CBFB: variants seen among roughly 807,000 people sequenced by gnomAD.
CBFB encodes the protein CBF-beta.
A neutral mutation model predicts 30.4 loss-of-function variants in CBFB; 9 were observed. That is an observed-to-expected ratio of 0.30 (90% CI 0.18 to 0.52). The LOEUF (loss-of-function observed/expected upper bound fraction) is 0.52, where lower values mean the gene tolerates loss of function less well. Ranked by LOEUF, CBFB falls within the 20% of genes least tolerant of loss-of-function variation. The probability of loss-of-function intolerance (pLI) is 0.97; values close to 1 mark genes in which losing one functional copy is unlikely to be tolerated. For missense variants in CBFB, 170 were observed against 244.0 expected (o/e 0.70, Z 2.02); for synonymous variants, 94 against 84.0 (o/e 1.12, Z -0.65).
chr16:67,071,557 A>G (rs1961222542), intron 4 of CBFB, among the ~76,000 whole-genome samples: 1 of 152,118 alleles, frequency 6.6e-6, no homozygotes, highest in African/African-American at 2.4e-5. Context: ...GAGAAAATAA[A>G]TTTCTGTTGT....
At position 67,100,476 on chromosome 16, in the gene CBFB, A is replaced by T; in HGVS notation, c.*1698A>T. On this transcript the variant is annotated 3_prime_UTR_variant, in exon 6 of 6. Coordinates refer to ENST00000412916, the MANE Select transcript of CBFB (RefSeq NM_022845.3). ...ATGCTGATCTTGCATAACTATAAGT[A>T]CTATGAATGAATTTGGTTGGTTTTG... The T allele has an allele frequency of 4.4e-6, 1 of 227,698 alleles. No individual in the cohort carries two copies. Among genetic ancestry groups the T allele is most frequent in the Non-Finnish European group, 8.7e-6 (1 of 114,354 alleles). 14.1% of individuals were successfully genotyped at this position (227,698 alleles called of 1,614,324 possible).
chr16:67,075,146 C>T (rs929754947), intron 4 of CBFB, among the ~76,000 whole-genome samples: 3 of 151,564 alleles, frequency 2.0e-5, no homozygotes, highest in Non-Finnish European at 2.9e-5. Context: ...GCCGAGATCA[C>T]GTCACTGCAC....
chr16:67,042,789 G>A (rs531569782), intron 3 of CBFB, among the ~76,000 whole-genome samples: 127 of 152,196 alleles, frequency 8.3e-4, no homozygotes, highest in African/African-American at 3.0e-3. Flanking sequence ...CCAGGCTGGA[G>A]TGCAGTGGCG....
rs1163773529 is a variant in CBFB at position 67,055,357 on chromosome 16, CTTTTTTT to C, written c.283-11304_283-11298del. 1.3e-3 allele frequency among the ~76,000 whole-genome samples: 106 copies of C among 81,450 alleles called. 1 individual carries two copies. The Middle Eastern group carries it at 0.025, about 19-fold the overall frequency. 53.4% of individuals were successfully genotyped at this position (81,450 alleles called of 152,430 possible). On this transcript the variant is annotated intron_variant, in intron 3 of 5. Coordinates refer to ENST00000412916, the MANE Select transcript of CBFB (RefSeq NM_022845.3). ...AAATCTATTGAATTCCAGACACTTT[CTTTTTTT>C]TTTTTTTTTTTTTTTTTTTTGAGAC...
chr16:67,054,562 T>C (rs1353171590), intron 3 of CBFB, among the ~76,000 whole-genome samples: 2 of 152,152 alleles, frequency 1.3e-5, no homozygotes, highest in Admixed American at 1.3e-4. Context: ...ATGACTTCCT[T>C]TCTTATATTT....
chr16:67,035,747 C>T (rs1161044348), intron 2 of CBFB, among the ~76,000 whole-genome samples: 2 of 152,142 alleles, frequency 1.3e-5, no homozygotes, highest in African/African-American at 2.4e-5. Flanking sequence ...AAACAAAAAA[C>T]TTTTTCTGGT....
chr16:67,031,049 C>T (rs1305961516), intron 2 of CBFB, among the ~76,000 whole-genome samples: 2 of 152,118 alleles, frequency 1.3e-5, no homozygotes, highest in African/African-American at 2.4e-5. Context: ...TTCTCCCACC[C>T]CCTTTATAAA....
chr16:67,080,097 T>A (rs1417641829), intron 4 of CBFB, among the ~76,000 whole-genome samples: 2 of 152,054 alleles, frequency 1.3e-5, no homozygotes, highest in Non-Finnish European at 2.9e-5. Flanking sequence ...GTCTCAAAAA[T>A]AATAATAATA....
At chr16:67,096,765 G>C (rs534112907) in intron 5 of CBFB, among the ~76,000 whole-genome samples, 55 of 150,960 alleles carry the variant, frequency 3.6e-4, no homozygotes, top group East Asian at 7.9e-4. Flanking sequence ...ACGAGGTCAG[G>C]AGATTGAGAC....
chr16:67,050,829 C>CTTTATATTGTA (rs1024670376), intron 3 of CBFB, among the ~76,000 whole-genome samples: 1 of 152,050 alleles, frequency 6.6e-6, no homozygotes, highest in Non-Finnish European at 1.5e-5. Flanking sequence ...AAGTGGAACA[C>CTTTATATTGTA]TAATAACAAT....
At chr16:67,069,222 A>C (rs1399525755) in intron 4 of CBFB, among the ~76,000 whole-genome samples, 1 of 151,958 alleles carries the variant, frequency 6.6e-6, no homozygotes, top group African/African-American at 2.4e-5. Context: ...CTCAAAAAAA[A>C]CGCCGAGTGT....
rs887672014 is a variant in CBFB at position 67,098,886 on chromosome 16, G to A, written c.*108G>A. ...AAACTGTGATAACTGGAGGTACTAC[G>A]GTCTATTTCTCAACCTTAGGCAGTA... is the stretch of plus-strand genomic sequence containing the variant. On this transcript the variant is annotated 3_prime_UTR_variant, in exon 6 of 6. Transcript: ENST00000412916. 4 of 737,006 alleles carry A rather than the reference G, an allele frequency of 5.4e-6. No homozygotes were observed. Among genetic ancestry groups the A allele is most frequent in the South Asian group, 1.5e-5 (1 of 64,842 alleles). 45.7% of individuals were successfully genotyped at this position (737,006 alleles called of 1,614,324 possible).
chr16:67,098,879 G>A lies in CBFB; in HGVS notation c.*101G>A. The A allele has an allele frequency of 1.3e-6, 1 of 761,758 alleles. No homozygotes were observed. The highest frequency in any genetic ancestry group is 2.4e-6 in the Non-Finnish European group (1 of 423,436). The allele number at this position is 761,758 out of a possible 1,614,324, so 47.2% of individuals were successfully genotyped here. A position where few individuals can be genotyped will look rare whatever the true frequency, so the allele number is the denominator to read the frequency against. ...AGACCAGAAACTGTGATAACTGGAG[G>A]TACTACGGTCTATTTCTCAACCTTA... On this transcript the variant is annotated 3_prime_UTR_variant, in exon 6 of 6. Transcript: ENST00000412916.
At chr16:67,046,544 A>G (rs756633729) in intron 3 of CBFB, among the ~76,000 whole-genome samples, 12 of 152,212 alleles carry the variant, frequency 7.9e-5, no homozygotes, top group Non-Finnish European at 1.3e-4. Context: ...TTATTGAGGT[A>G]TAATTTACAT....
At chr16:67,071,675 C>T (rs1045498692) in intron 4 of CBFB, among the ~76,000 whole-genome samples, 3 of 152,152 alleles carry the variant, frequency 2.0e-5, no homozygotes, top group African/African-American at 7.2e-5. Flanking sequence ...CAGATTTCTC[C>T]TTCCTAAGAT....
At chr16:67,060,136 C>A (rs747849741) in intron 3 of CBFB, among the ~76,000 whole-genome samples, 1 of 151,984 alleles carries the variant, frequency 6.6e-6, no homozygotes, top group Non-Finnish European at 1.5e-5. Flanking sequence ...TGACACCACA[C>A]CTGGCTAATT....
intron 3 of CBFB, among the ~76,000 whole-genome samples, chr16:67,063,831 T>G (rs1204328291): frequency 6.6e-6 from 1 of 152,116 alleles, no homozygotes; most frequent in Non-Finnish European, 1.5e-5. Context: ...TTATTAAACA[T>G]CTCTAAAAAC....
intron 2 of CBFB, 41 bp from the exon 3 acceptor site, chr16:67,036,598 T>C (rs1966443408): frequency 1.8e-6 from 2 of 1,087,406 alleles, no homozygotes; most frequent in Non-Finnish European, 2.9e-6. Flanking sequence ...ATTTATGTAA[T>C]GTCCTGCTCC....
At chr16:67,050,227 T>C (rs1262878501) in intron 3 of CBFB, among the ~76,000 whole-genome samples, 2 of 147,766 alleles carry the variant, frequency 1.4e-5, no homozygotes, top group African/African-American at 4.9e-5. Context: ...ATATATCACA[T>C]ATTTATATGT....
Sources: allele counts gnomAD v4.1 joint callset (sites outside exome capture counted in the v4.1 genomes callset), GRCh38; gene constraint gnomAD v4.1.1; transcripts MANE v1.5; gene names NCBI Gene and HGNC (gene_info 2026-07-23, HGNC 2026-07-21).